ROBO2: variants seen among roughly 807,000 people sequenced by gnomAD.
ROBO2 encodes roundabout guidance receptor 2.
In ROBO2, 53 loss-of-function variants were observed where a neutral mutation model predicts 160.8. The ratio of observed to expected loss-of-function variants is 0.33; its 90% CI spans 0.26 to 0.41. The LOEUF (loss-of-function observed/expected upper bound fraction) is 0.41. ROBO2 is among the 10% of genes least tolerant of loss of function. The pLI is 1.00. For missense variants in ROBO2, 1,577 were observed against 1,722.4 expected (o/e 0.92, Z 1.49); for synonymous variants, 664 against 611.7 (o/e 1.09, Z -1.26).
chr3:75,924,681 CTTTTT>C (rs60599175), intron 1 of ROBO2, among the ~76,000 whole-genome samples: 61 of 66,014 alleles, frequency 9.2e-4, no homozygotes, highest in East Asian at 7.0e-3. Flanking sequence ...ATTTTCTTTT[CTTTTT>C]TTTTTTTTTT....
chr3:76,292,852 A>G (rs1194764073), intron 2 of ROBO2, among the ~76,000 whole-genome samples: 6 of 152,124 alleles, frequency 3.9e-5, no homozygotes, highest in African/African-American at 1.4e-4. Context: ...AGTGTAATTT[A>G]TCTCATTGTA....
Position 76,304,798 on chromosome 3 carries a change from C to CTT in ROBO2, c.109+367197_109+367198insTT, listed in dbSNP as rs1177082404. Among the ~76,000 whole-genome samples the CTT allele has an allele frequency of 3.3e-3, 281 of 85,524 alleles. 2 individuals carry two copies. Among genetic ancestry groups the CTT allele is most frequent in the African/African-American group, 0.013 (260 of 20,604 alleles). 56.1% of individuals were successfully genotyped at this position (85,524 alleles called of 152,430 possible). A position where few individuals can be genotyped will look rare whatever the true frequency, so the allele number is the denominator to read the frequency against. ...TCTTTCTTTCTTTCTTTCTTTCTTTCTCTTTCTTTTTTTTTGTCTGTGTGT... is the reference window on the plus strand; with the variant it reads ...TCTTTCTTTCTTTCTTTCTTTCTTTCTTTCTTTCTTTTTTTTTGTCTGTGTGT... On this transcript the variant is annotated intron_variant, in intron 2 of 26. Coordinates refer to the ROBO2 transcript ENST00000487694.
intron 2 of ROBO2, among the ~76,000 whole-genome samples, chr3:76,008,545 A>G (rs780351634): frequency 1.3e-5 from 2 of 152,220 alleles, no homozygotes; most frequent in Non-Finnish European, 2.9e-5. Context: ...ATGATGGCAA[A>G]TAAAACAGGA....
chr3:76,604,397 T>A (rs1464851169), intron 2 of ROBO2, among the ~76,000 whole-genome samples: 1 of 152,138 alleles, frequency 6.6e-6, no homozygotes, highest in East Asian at 1.9e-4. Context: ...CAAGTGGTGA[T>A]CTTATGTGTG....
At chr3:76,430,156 T>C (rs1034616597) in intron 2 of ROBO2, among the ~76,000 whole-genome samples, 2 of 152,150 alleles carry the variant, frequency 1.3e-5, no homozygotes, top group Non-Finnish European at 2.9e-5. Flanking sequence ...AGATAAACAG[T>C]AATTCAAAAC....
At chr3:76,603,438 C>G (rs1397874598) in intron 2 of ROBO2, among the ~76,000 whole-genome samples, 1 of 132,744 alleles carries the variant, frequency 7.5e-6, no homozygotes, top group East Asian at 2.2e-4. Context: ...TTGCCCAATT[C>G]TTAAAGAATT....
At chr3:76,422,678 A>G (rs2076044483) in intron 2 of ROBO2, among the ~76,000 whole-genome samples, 1 of 152,202 alleles carries the variant, frequency 6.6e-6, no homozygotes, top group African/African-American at 2.4e-5. Flanking sequence ...AATTCTTAAT[A>G]GCAAGGTGTT....
At chr3:77,348,781 G>A (rs895300997) in intron 2 of ROBO2, among the ~76,000 whole-genome samples, 14 of 152,060 alleles carry the variant, frequency 9.2e-5, no homozygotes, top group African/African-American at 2.4e-4. Context: ...TCAGGTATCA[G>A]TGCCCACCAC....
chr3:77,480,251 T>C (rs1000450193), intron 3 of ROBO2, among the ~76,000 whole-genome samples: 4 of 152,004 alleles, frequency 2.6e-5, no homozygotes, highest in African/African-American at 9.7e-5. Context: ...ATCTTGTATT[T>C]CTTCAAGAAC....
intron 2 of ROBO2, among the ~76,000 whole-genome samples, chr3:76,717,978 T>C (rs1382346685): frequency 1.3e-5 from 2 of 152,236 alleles, no homozygotes; most frequent in Admixed American, 1.3e-4. Context: ...AAATTTCAAC[T>C]GATATAAGTA....
intron 2 of ROBO2, among the ~76,000 whole-genome samples, chr3:76,246,036 T>C (rs998389015): frequency 6.6e-6 from 1 of 152,180 alleles, no homozygotes; most frequent in African/African-American, 2.4e-5. Context: ...ATGTGTGTTA[T>C]GTATTACTCA....
At chr3:77,368,754 GA>G (rs2071313518) in intron 2 of ROBO2, among the ~76,000 whole-genome samples, 1 of 152,076 alleles carries the variant, frequency 6.6e-6, no homozygotes, top group South Asian at 2.1e-4. Context: ...ACTTAAATTT[GA>G]AATGTGAAAA....
intron 2 of ROBO2, among the ~76,000 whole-genome samples, chr3:77,258,728 G>C (rs180851642): frequency 6.6e-6 from 1 of 151,924 alleles, no homozygotes; most frequent in East Asian, 1.9e-4. Context: ...CATCTTCAAA[G>C]TCTAGCATCA....
intron 2 of ROBO2, among the ~76,000 whole-genome samples, chr3:76,066,547 T>G (rs1209417213): frequency 6.6e-6 from 1 of 152,102 alleles, no homozygotes; most frequent in South Asian, 2.1e-4. Context: ...TTTTTCAAAT[T>G]AGCAAGAATA....
intron 2 of ROBO2, among the ~76,000 whole-genome samples, chr3:76,391,809 G>A (rs1181091226): frequency 2.0e-5 from 3 of 152,128 alleles, no homozygotes; most frequent in South Asian, 2.1e-4. Flanking sequence ...GCATCCGGCC[G>A]ATGTTGTTAC....
intron 2 of ROBO2, among the ~76,000 whole-genome samples, chr3:76,977,387 A>C (rs2149309851): frequency 6.6e-6 from 1 of 152,336 alleles, no homozygotes; most frequent in Non-Finnish European, 1.5e-5. Flanking sequence ...TTTTTGAAAT[A>C]TCTTTAAAAG....
chr3:77,362,605 G>A (rs2070200418), intron 2 of ROBO2, among the ~76,000 whole-genome samples: 1 of 152,078 alleles, frequency 6.6e-6, no homozygotes, highest in South Asian at 2.1e-4. Context: ...CTGAATTTTG[G>A]TTAAGCAAAG....
At chr3:76,816,710 C>T (rs1357835930) in intron 2 of ROBO2, among the ~76,000 whole-genome samples, 1 of 151,862 alleles carries the variant, frequency 6.6e-6, no homozygotes, top group African/African-American at 2.4e-5. Context: ...CCCAGCCATC[C>T]CATTACTGGT....
At chr3:77,023,882 T>C (rs1365880957) in intron 2 of ROBO2, among the ~76,000 whole-genome samples, 1 of 152,128 alleles carries the variant, frequency 6.6e-6, no homozygotes, top group Non-Finnish European at 1.5e-5. Flanking sequence ...ACAAAATAAA[T>C]ATAAAATAGC....
Sources: allele counts gnomAD v4.1 joint callset (sites outside exome capture counted in the v4.1 genomes callset), GRCh38; gene constraint gnomAD v4.1.1; transcripts MANE v1.5; gene names NCBI Gene and HGNC (gene_info 2026-07-23, HGNC 2026-07-21).